MEGF6: variants seen among roughly 807,000 people sequenced by gnomAD.
The protein encoded by MEGF6 is multiple epidermal growth factor-like domains protein 6.
In MEGF6, 184 loss-of-function variants were observed where a neutral mutation model predicts 207.1. The observed-to-expected ratio is 0.89, with a 90% confidence interval of 0.79 to 1.00. MEGF6 has a LOEUF of 1.00. Ranked by LOEUF, MEGF6 falls within the 50% of genes least tolerant of loss-of-function variation. The pLI, the probability that MEGF6 is intolerant of heterozygous loss-of-function variation, is 0.00. For synonymous variants in MEGF6, 1,038 were observed against 910.0 expected, an observed-to-expected ratio of 1.14 and a Z score of -2.53; for missense variants, 2,282 against 2,202.9, an observed-to-expected ratio of 1.04 and a Z score of -0.72.
intron 17 of MEGF6, among the ~76,000 whole-genome samples, chr1:3,502,203 A>G (rs1055891041): frequency 2.7e-5 from 4 of 148,772 alleles, no homozygotes; most frequent in African/African-American, 7.5e-5. Flanking sequence ...GAGGAGTGAA[A>G]GGGGAGCTGA....
intron 4 of MEGF6, among the ~76,000 whole-genome samples, chr1:3,567,396 G>C (rs1643373788): frequency 6.6e-6 from 1 of 152,226 alleles, no homozygotes; most frequent in South Asian, 2.1e-4. Context: ...CTTGGGCATA[G>C]CTCCCCAAAG....
At chr1:3,612,485 CCAGA>C (rs745884825), upstream of MEGF6, among the ~76,000 whole-genome samples, 6 of 152,216 alleles carry the variant, frequency 3.9e-5, no homozygotes, top group Non-Finnish European at 8.8e-5. Flanking sequence ...GTCAGAGCTA[CCAGA>C]CACTCAGGAG....
rs757815891 is a variant in MEGF6, at chr1:3,513,577, C to CTT, written c.853+971_853+972dup. 8.5e-4 allele frequency among the ~76,000 whole-genome samples: 48 copies of CTT among 56,566 alleles called. 1 individual carries two copies. Among genetic ancestry groups the CTT allele is most frequent in the African/African-American group, 1.5e-3 (20 of 13,552 alleles). The allele number at this position is 56,566 out of a possible 152,430, so 37.1% of individuals were successfully genotyped here. ...ACAGGTGTGAGCCACCACACCTGGGCTTTTTTTTTTTTTTTTTTTTTTTTT... is the reference window on the plus strand; with the variant it reads ...ACAGGTGTGAGCCACCACACCTGGGCTTTTTTTTTTTTTTTTTTTTTTTTTTT... On this transcript the variant is annotated intron_variant, in intron 7 of 36. Coordinates refer to ENST00000356575, the MANE Select transcript of MEGF6 (RefSeq NM_001409.4).
In MEGF6 at chr1:3,505,503, G is replaced by A. The variant is rs1183514932; in HGVS notation, c.1972C>T (p.Gln658Ter). ...TTGTCACAGGACTGCGTGTGGGGCT[G>A]CACACACTGGCACTCCTCCGAGCAG... is the stretch of plus-strand genomic sequence containing the variant. Reference protein sequence around the residue: ...PGCSEECQCVQPHTQSCDKRD... With the variant: ...PGCSEECQCV The change falls in exon 16 of 37, where the codon CAG becomes TAG. Residue 658 changes from glutamine (Q) to a stop codon, truncating the protein, a stop_gained. Coordinates refer to ENST00000356575, the MANE Select transcript of MEGF6 (RefSeq NM_001409.4). LOFTEE classifies it high-confidence loss of function. 1.9e-6 allele frequency: 3 copies of A among 1,604,396 alleles called. No homozygotes were observed. The highest frequency in any genetic ancestry group is 3.4e-5 in the Admixed American group (2 of 59,070).
intron 11 of MEGF6, 82 bp downstream of exon 11, chr1:3,509,788 G>T: frequency 6.9e-7 from 1 of 1,454,882 alleles, no homozygotes; most frequent in Non-Finnish European, 9.1e-7. Context: ...GGTGGGGTGG[G>T]CCAGGCCTGC....
At chr1:3,561,969 TCC>T (rs764375106) in intron 4 of MEGF6, among the ~76,000 whole-genome samples, 2 of 152,168 alleles carry the variant, frequency 1.3e-5, no homozygotes, top group Non-Finnish European at 2.9e-5. Context: ...AGGTCTTCAC[TCC>T]CCTCCGTGGC....
At chr1:3,551,994 G>C (rs1642903665) in intron 4 of MEGF6, among the ~76,000 whole-genome samples, 2 of 152,148 alleles carry the variant, frequency 1.3e-5, no homozygotes, top group South Asian at 4.1e-4. Flanking sequence ...CCAGCCCCTT[G>C]AACCACACTT....
At chr1:3,507,959 G>A in intron 13 of MEGF6, 36 bp from the exon 14 acceptor site, 4 of 1,597,718 alleles carry the variant, frequency 2.5e-6, no homozygotes, top group Non-Finnish European at 3.4e-6. Context: ...AGGGTCACCA[G>A]CCAGCACGAC....
intron 5 of MEGF6, among the ~76,000 whole-genome samples, chr1:3,517,663 C>G (rs1487058205): frequency 6.6e-6 from 1 of 152,170 alleles, no homozygotes; most frequent in African/African-American, 2.4e-5. Flanking sequence ...AACACACAGC[C>G]CAGCCACCCC....
At chr1:3,602,368 A>C (rs1286405547) in intron 2 of MEGF6, 98 bp downstream of exon 2, 4 of 1,539,614 alleles carry the variant, frequency 2.6e-6, no homozygotes, top group Non-Finnish European at 3.5e-6. Flanking sequence ...CCCTGAGACC[A>C]GGACGGGGTC....
At chr1:3,610,457 G>C (rs1644309061) in intron 1 of MEGF6, among the ~76,000 whole-genome samples, 1 of 152,018 alleles carries the variant, frequency 6.6e-6, no homozygotes, top group Non-Finnish European at 1.5e-5. Context: ...GTGCTGGGTG[G>C]GGGCGCCAGC....
At chr1:3,536,474 G>A (rs1373388300) in intron 4 of MEGF6, among the ~76,000 whole-genome samples, 2 of 152,152 alleles carry the variant, frequency 1.3e-5, no homozygotes, top group African/African-American at 4.8e-5. Context: ...GCTAGGCTAG[G>A]GAGGAGCCCG....
intron 4 of MEGF6, among the ~76,000 whole-genome samples, chr1:3,564,108 G>A (rs992472516): frequency 1.3e-5 from 2 of 151,822 alleles, no homozygotes; most frequent in Non-Finnish European, 2.9e-5. Context: ...CAACAGCAGA[G>A]GAGGCAGCCC....
chr1:3,553,345 G>A (rs544884221), intron 4 of MEGF6, among the ~76,000 whole-genome samples: 14 of 151,956 alleles, frequency 9.2e-5, no homozygotes, highest in East Asian at 1.9e-4. Flanking sequence ...ACCCCTGGGC[G>A]TGCTGGGTCT....
intron 18 of MEGF6, 152 bp downstream of exon 18, chr1:3,501,644 C>T (rs375494368): frequency 1.2e-5 from 14 of 1,193,346 alleles, no homozygotes; most frequent in South Asian, 1.6e-5. Context: ...CAGACCCCCC[C>T]TCCCTACCCC....
chr1:3,556,187 A>G lies in MEGF6; in HGVS notation c.481+23638T>C, dbSNP rs878062. Among the ~76,000 whole-genome samples the G allele has an allele frequency of 0.063, 9,633 of 152,252 alleles. 996 individuals carry two copies. The highest frequency in any genetic ancestry group is 0.22 in the African/African-American group (8,986 of 41,518). On this transcript the variant is annotated intron_variant, in intron 4 of 36. Coordinates refer to ENST00000356575, the MANE Select transcript of MEGF6 (RefSeq NM_001409.4). The surrounding 1 kb of genome is among the most constrained non-coding windows in gnomAD (Gnocchi z 4.4). ...TGTTGCTGGGCCACCCTGTGAGTCCATGCTCTGCTCCCCAAGCCCCGTCAG... is the reference window on the plus strand; with the variant it reads ...TGTTGCTGGGCCACCCTGTGAGTCCGTGCTCTGCTCCCCAAGCCCCGTCAG...
At chr1:3,611,078 C>T in intron 1 of MEGF6, 60 bp downstream of exon 1, 3 of 1,413,380 alleles carry the variant, frequency 2.1e-6, no homozygotes, top group African/African-American at 1.5e-5. Flanking sequence ...CACCACGGGC[C>T]TCCAGAGGCC....
intron 4 of MEGF6, among the ~76,000 whole-genome samples, chr1:3,533,867 G>A (rs1557757011): frequency 6.6e-6 from 1 of 152,150 alleles, no homozygotes; most frequent in Non-Finnish European, 1.5e-5. Context: ...TTCCTTGAAG[G>A]GATGCTGTCT....
intron 3 of MEGF6, among the ~76,000 whole-genome samples, 188 bp from the exon 4 acceptor site, chr1:3,580,117 G>A (rs1293303236): frequency 2.0e-5 from 3 of 152,130 alleles, no homozygotes; most frequent in Non-Finnish European, 2.9e-5. Context: ...CTCCAGCCAC[G>A]GCCACGTGCA....
Sources: gnomAD v4.1 joint callset for allele counts (sites outside exome capture counted in the v4.1 genomes callset) on GRCh38, gnomAD v4.1.1 for gene constraint, Gnocchi (gnomAD v3.1) non-coding constraint, MANE v1.5 for transcripts, NCBI Gene and HGNC (gene_info 2026-07-23, HGNC 2026-07-21) for gene names.